Variants in TMEM41B observed in about 807,000 individuals in gnomAD.
The protein encoded by TMEM41B is transmembrane protein 41B.
Under a neutral mutation model 31.9 loss-of-function variants are expected in TMEM41B, and 18 were observed. The ratio of observed to expected loss-of-function variants is 0.56; its 90% CI spans 0.39 to 0.84. The LOEUF (loss-of-function observed/expected upper bound fraction) is 0.84, where lower values mean the gene tolerates loss of function less well. Ranked by LOEUF, TMEM41B falls within the 40% of genes least tolerant of loss-of-function variation. TMEM41B has a pLI of 0.00. For missense variants in TMEM41B, 322 were observed against 348.0 expected, an observed-to-expected ratio of 0.93 and a Z score of 0.59; for synonymous variants, 144 against 124.3, an observed-to-expected ratio of 1.16 and a Z score of -1.05.
intron 3 of TMEM41B, among the ~76,000 whole-genome samples, chr11:9,294,217 G>A (rs193281909): frequency 0.06 from 7,820 of 129,970 alleles, 342 homozygotes; most frequent in South Asian, 0.1. Flanking sequence ...AAAAAAAGCC[G>A]GGCACAGTGG....
chr11:9,301,865 T>C (rs1045224587), intron 1 of TMEM41B, among the ~76,000 whole-genome samples: 33 of 152,162 alleles, frequency 2.2e-4, no homozygotes, highest in African/African-American at 7.5e-4. Context: ...ACAAGAAAGG[T>C]TGGAACAGAA....
At chr11:9,294,488 CAAAA>C (rs61211297) in intron 3 of TMEM41B, among the ~76,000 whole-genome samples, 2 of 88,384 alleles carry the variant, frequency 2.3e-5, no homozygotes, top group African/African-American at 9.7e-5. Context: ...AACTCCATCT[CAAAA>C]AAAAAAAAAA....
chr11:9,287,721 G>A lies in TMEM41B; in HGVS notation c.548C>T (p.Ala183Val). ...GTTTACCTGCTGTGACCATTTTACT[G>A]CTTTCTCTGTTAGGTATTTGTATAC... ...PVVYKYLTEK[A>V]VKWSQQVERH... Residue 183 changes from alanine to valine, a missense_variant, in exon 5 of 7, where the codon GCA becomes GTA. By Grantham distance (64) the Ala-to-Val change is moderately conservative. Around this residue, in one of 3 missense-constraint regions of TMEM41B, gnomAD observed 47 missense variants for 84.8 expected, o/e 0.55. Coordinates refer to ENST00000528080, the MANE Select transcript of TMEM41B (RefSeq NM_015012.4). 6.2e-7 allele frequency: 1 copy of A among 1,609,884 alleles called. No homozygotes were observed. The highest frequency in any genetic ancestry group is 8.5e-7 in the Non-Finnish European group (1 of 1,178,446).
chr11:9,294,488 C>CAAA (rs61211297), intron 3 of TMEM41B, among the ~76,000 whole-genome samples: 1 of 88,388 alleles, frequency 1.1e-5, no homozygotes, highest in Non-Finnish European at 2.4e-5. Context: ...AACTCCATCT[C>CAAA]AAAAAAAAAA....
At chr11:9,294,179 T>C (rs1853023378) in intron 3 of TMEM41B, among the ~76,000 whole-genome samples, 1 of 23,942 alleles carries the variant, frequency 4.2e-5, no homozygotes. Flanking sequence ...AGAACCTGTC[T>C]CAAAAAAAAA....
rs138633163 is a variant in TMEM41B, at chr11:9,291,630, G to A, written c.369-3095C>T. On this transcript the variant is annotated intron_variant, in intron 3 of 6. Transcript: ENST00000528080. ...TTGGCCAGGATAGTCTCCATCTCCC[G>A]ATCTCGTGATCCACCCCGCTTGGCC... 8.8e-3 allele frequency among the ~76,000 whole-genome samples: 1,330 copies of A among 151,842 alleles called. 13 individuals are homozygous for A. The highest frequency in any genetic ancestry group is 0.012 in the Non-Finnish European group (822 of 67,966).
At chr11:9,299,489 T>C (rs1853193587) in intron 2 of TMEM41B, 95 bp downstream of exon 2, 2 of 839,870 alleles carry the variant, frequency 2.4e-6, no homozygotes, top group Admixed American at 5.0e-5. Context: ...TCCCAAAGTG[T>C]TGAGATTACA....
chr11:9,293,916 C>G (rs1195803603), intron 3 of TMEM41B, among the ~76,000 whole-genome samples: 1 of 152,026 alleles, frequency 6.6e-6, no homozygotes, highest in East Asian at 1.9e-4. Context: ...ATATAATATC[C>G]CAGTGTTGTC....
intron 1 of TMEM41B, among the ~76,000 whole-genome samples, chr11:9,309,254 A>T (rs1853490991): frequency 6.6e-6 from 1 of 151,618 alleles, no homozygotes; most frequent in Non-Finnish European, 1.5e-5. Flanking sequence ...TTCAAAAAAA[A>T]AGAAAGAAAG....
At position 9,295,610 on chromosome 11, in the gene TMEM41B, C is replaced by T. The variant is rs137953564; in HGVS notation, c.240-223G>A. Among the ~76,000 whole-genome samples the T allele has an allele frequency of 4.7e-3, 711 of 151,576 alleles. 4 individuals are homozygous for T. The highest frequency in any genetic ancestry group is 5.3e-3 in the Non-Finnish European group (362 of 67,834). ...AGTGCAGTGGTGGAATCTCAGCTCA[C>T]GGCAATCTCTGCCTCCCAGGTACAA... On this transcript the variant is annotated intron_variant, in intron 2 of 6. Coordinates refer to ENST00000528080, the MANE Select transcript of TMEM41B (RefSeq NM_015012.4).
rs1482658825 is a variant in TMEM41B, at chr11:9,282,732, G to A, written c.*692C>T. 1.3e-5 allele frequency: 2 copies of A among 152,090 alleles called. No homozygotes were observed. The highest frequency in any genetic ancestry group is 3.9e-4 in the East Asian group (2 of 5,138). The allele number at this position is 152,090 out of a possible 1,614,324, so 9.4% of individuals were successfully genotyped here. On this transcript the variant is annotated 3_prime_UTR_variant, in exon 7 of 7. Coordinates refer to ENST00000528080, the MANE Select transcript of TMEM41B (RefSeq NM_015012.4). ...GCAGATCACGAGGTCAGGAGATCGA[G>A]ACCATCCTGGCTAACACGGTGAAAC...
chr11:9,312,890 C>G (rs1271085546), intron 1 of TMEM41B, among the ~76,000 whole-genome samples: 8 of 132,800 alleles, frequency 6.0e-5, no homozygotes, highest in African/African-American at 9.1e-5. Context: ...GGTGACAGAC[C>G]GAGACTCCGT....
At chr11:9,303,376 G>A (rs1053165567) in intron 1 of TMEM41B, among the ~76,000 whole-genome samples, 2 of 152,134 alleles carry the variant, frequency 1.3e-5, no homozygotes. Flanking sequence ...CTGACCTCAG[G>A]TGATCTGCCC....
At chr11:9,306,320 A>G (rs1853394809) in intron 1 of TMEM41B, among the ~76,000 whole-genome samples, 2 of 152,006 alleles carry the variant, frequency 1.3e-5, no homozygotes, top group Admixed American at 6.6e-5. Flanking sequence ...CCATCATACT[A>G]ATTCCCAGTC....
intron 1 of TMEM41B, among the ~76,000 whole-genome samples, chr11:9,313,251 G>T (rs1853605537): frequency 6.6e-6 from 1 of 150,650 alleles, no homozygotes; most frequent in Non-Finnish European, 1.5e-5. Context: ...GTGTATATAA[G>T]CTGGAAAAAT....
At chr11:9,300,606 C>T (rs1473495893) in intron 1 of TMEM41B, among the ~76,000 whole-genome samples, 4 of 152,058 alleles carry the variant, frequency 2.6e-5, no homozygotes, top group Admixed American at 1.3e-4. Flanking sequence ...AGGCCAGGCG[C>T]GGTGGCTCAC....
Position 9,314,557 on chromosome 11 carries a change from T to G in TMEM41B, c.-116A>C. 2 of 1,392,278 alleles carry G rather than the reference T, an allele frequency of 1.4e-6. No individual in the cohort carries two copies. The highest frequency in any genetic ancestry group is 9.5e-7 in the Non-Finnish European group (1 of 1,057,830). 86.2% of individuals were successfully genotyped at this position (1,392,278 alleles called of 1,614,324 possible). ...GGCTAGAGCCACTTCCGGCGCGACC[T>G]CCTCACCCGAGACGACCTCAGCCCA... On this transcript the variant is annotated 5_prime_UTR_variant, in exon 1 of 7. Transcript: ENST00000528080.
At chr11:9,311,722 G>T in intron 1 of TMEM41B, 1 of 727,720 alleles carries the variant, frequency 1.4e-6, no homozygotes, top group Non-Finnish European at 2.5e-6. Context: ...TTCCACTGCT[G>T]CCTGGGCTTG....
rs142060350 is a variant in TMEM41B, at chr11:9,293,615, G to C, written c.368+1644C>G. 2.4e-3 allele frequency among the ~76,000 whole-genome samples: 369 copies of C among 151,486 alleles called. 1 individual carries two copies. Among genetic ancestry groups the C allele is most frequent in the African/African-American group, 8.6e-3 (356 of 41,318 alleles). The stretch of plus-strand genomic sequence containing the variant: ...TTTTATTTTTTGGGGATGGAATCTT[G>C]CTGTCACCAAGGCTGGAGTGCAGTG... On this transcript the variant is annotated intron_variant, in intron 3 of 6. Coordinates refer to ENST00000528080, the MANE Select transcript of TMEM41B (RefSeq NM_015012.4).
Sources: allele counts gnomAD v4.1 joint callset (sites outside exome capture counted in the v4.1 genomes callset), GRCh38; gene constraint gnomAD v4.1.1; regional missense constraint gnomAD v4.1.1; transcripts MANE v1.5; gene names NCBI Gene and HGNC (gene_info 2026-07-23, HGNC 2026-07-21).